RPH3A: variants seen among roughly 807,000 people sequenced by gnomAD.
The protein encoded by RPH3A is rabphilin-3A.
A neutral mutation model predicts 102.2 loss-of-function variants in RPH3A; 48 were observed. The observed-to-expected ratio is 0.47, with a 90% CI of 0.37 to 0.60. The LOEUF (loss-of-function observed/expected upper bound fraction) is 0.60, where lower values mean the gene tolerates loss of function less well. RPH3A is among the 20% of genes least tolerant of loss of function. RPH3A has a pLI of 0.00. For missense variants in RPH3A, 781 were observed against 910.1 expected (o/e 0.86, Z 1.83); for synonymous variants, 310 against 324.3 (o/e 0.96, Z 0.47).
chr12:112,878,436 T>C (rs143447340), intron 13 of RPH3A, among the ~76,000 whole-genome samples: 1 of 152,278 alleles, frequency 6.6e-6, no homozygotes, highest in Non-Finnish European at 1.5e-5. Context: ...TTATTGAGCA[T>C]GTACAAAGTG....
chr12:112,639,671 C>T (rs547631280), intron 1 of RPH3A, among the ~76,000 whole-genome samples: 2 of 152,260 alleles, frequency 1.3e-5, no homozygotes, highest in East Asian at 1.9e-4. Context: ...CCCCTCCCCC[C>T]ACAAAGATGC....
At chr12:112,663,444 A>T (rs948046602) in intron 1 of RPH3A, among the ~76,000 whole-genome samples, 2 of 151,838 alleles carry the variant, frequency 1.3e-5, no homozygotes, top group Non-Finnish European at 2.9e-5. Context: ...GAACTCCTGG[A>T]CTCAAGCAAT....
At chr12:112,766,340 A>C (rs2136069721) in intron 1 of RPH3A, among the ~76,000 whole-genome samples, 1 of 152,348 alleles carries the variant, frequency 6.6e-6, no homozygotes, top group South Asian at 2.1e-4. Context: ...TGAAGTGCTT[A>C]TAACTGCCTG....
At chr12:112,786,410 T>C (rs990825341) in intron 1 of RPH3A, among the ~76,000 whole-genome samples, 2 of 152,170 alleles carry the variant, frequency 1.3e-5, no homozygotes, top group African/African-American at 4.8e-5. Flanking sequence ...CACGCCAATC[T>C]CTCTGTTTCG....
intron 1 of RPH3A, among the ~76,000 whole-genome samples, chr12:112,638,720 C>T (rs2039865192): frequency 6.6e-6 from 1 of 152,172 alleles, no homozygotes; most frequent in Admixed American, 6.5e-5. Flanking sequence ...TATACCATCT[C>T]TCACAGGACC....
chr12:112,680,313 A>G (rs2136015873), intron 1 of RPH3A, among the ~76,000 whole-genome samples: 1 of 152,304 alleles, frequency 6.6e-6, no homozygotes, highest in East Asian at 1.9e-4. Flanking sequence ...TCCTCCTACG[A>G]CATTTAGGTG....
chr12:112,590,548 G>A (rs1208079293), intron 1 of RPH3A, among the ~76,000 whole-genome samples: 1 of 152,198 alleles, frequency 6.6e-6, no homozygotes, highest in Non-Finnish European at 1.5e-5. Flanking sequence ...TCATGGAAAT[G>A]GCTCATGGGG....
chr12:112,792,788 G>C (rs965901236), intron 2 of RPH3A, among the ~76,000 whole-genome samples: 18 of 152,174 alleles, frequency 1.2e-4, no homozygotes, highest in African/African-American at 4.1e-4. Flanking sequence ...ATTTAATTGT[G>C]GTGATTTTTG....
At chr12:112,682,620 AT>A (rs2040235316) in intron 1 of RPH3A, among the ~76,000 whole-genome samples, 1 of 152,032 alleles carries the variant, frequency 6.6e-6, no homozygotes, top group Non-Finnish European at 1.5e-5. Flanking sequence ...CCCCTCTCTT[AT>A]GGCTCTGCCA....
chr12:112,709,417 A>G (rs1400216819), intron 1 of RPH3A, among the ~76,000 whole-genome samples: 2 of 151,848 alleles, frequency 1.3e-5, no homozygotes, highest in African/African-American at 4.8e-5. Context: ...AGGGTTAGTG[A>G]TGTGTGTCTG....
chr12:112,872,116 A>G (rs2042719652), intron 10 of RPH3A, among the ~76,000 whole-genome samples: 1 of 152,196 alleles, frequency 6.6e-6, no homozygotes, highest in South Asian at 2.1e-4. Context: ...AGGAACCACC[A>G]TTCCGTTTTC....
upstream of RPH3A, among the ~76,000 whole-genome samples, chr12:112,787,319 GCTAT>G (rs1281010589): frequency 6.6e-6 from 1 of 152,160 alleles, no homozygotes; most frequent in Non-Finnish European, 1.5e-5. Flanking sequence ...AGTGAAATGG[GCTAT>G]CTCAGTGCCC....
chr12:112,851,052 A>G (rs1163503002), intron 5 of RPH3A: 1 of 152,196 alleles, frequency 6.6e-6, no homozygotes, highest in Non-Finnish European at 1.5e-5. Flanking sequence ...CTTTTCTGTT[A>G]TCTGAGTGAA....
chr12:112,753,072 T>C (rs1465421036), intron 1 of RPH3A, among the ~76,000 whole-genome samples: 1 of 151,860 alleles, frequency 6.6e-6, no homozygotes, highest in African/African-American at 2.4e-5. Context: ...GGATTGTTAT[T>C]GATGTCTAAG....
At chr12:112,635,999 C>A (rs192433250) in intron 1 of RPH3A, among the ~76,000 whole-genome samples, 98 of 151,134 alleles carry the variant, frequency 6.5e-4, no homozygotes, top group Non-Finnish European at 1.2e-3. Flanking sequence ...AATATGGATT[C>A]ACAAACATTT....
At chr12:112,830,389 G>C (rs554990276) in intron 3 of RPH3A, among the ~76,000 whole-genome samples, 2 of 152,002 alleles carry the variant, frequency 1.3e-5, no homozygotes, top group Non-Finnish European at 2.9e-5. Flanking sequence ...ATTTTGGTTG[G>C]AGAATATGAC....
chr12:112,800,039 G>A (rs1363887162), intron 2 of RPH3A, among the ~76,000 whole-genome samples: 1 of 152,132 alleles, frequency 6.6e-6, no homozygotes, highest in Non-Finnish European at 1.5e-5. Flanking sequence ...TGAGGGAGCC[G>A]GAGTTCCCTG....
In RPH3A at chr12:112,648,570, C is replaced by CA. The variant is rs1167121829; in HGVS notation, c.-140+73279dup. Among the ~76,000 whole-genome samples the CA allele has an allele frequency of 5.4e-4, 6 of 11,044 alleles. 1 individual carries two copies. The highest frequency in any genetic ancestry group is 9.1e-4 in the Non-Finnish European group (6 of 6,592). 7.2% of individuals were successfully genotyped at this position (11,044 alleles called of 152,430 possible). ...GCAACAGAGTGAAACCCCATCTCTACAAAAAAAAAAAAAAAAAAAAAAAAA... is the reference window on the plus strand; with the variant it reads ...GCAACAGAGTGAAACCCCATCTCTACAAAAAAAAAAAAAAAAAAAAAAAAAA... On this transcript the variant is annotated intron_variant, in intron 1 of 21. Transcript: ENST00000543106.
At chr12:112,578,237 C>T (rs1026866649) in intron 1 of RPH3A, among the ~76,000 whole-genome samples, 5 of 152,126 alleles carry the variant, frequency 3.3e-5, no homozygotes, top group African/African-American at 9.7e-5. Flanking sequence ...CAGGGTTTCT[C>T]GCAGCATGAC....
Sources: gnomAD v4.1 joint callset for allele counts (sites outside exome capture counted in the v4.1 genomes callset) on GRCh38, gnomAD v4.1.1 for gene constraint, MANE v1.5 for transcripts, NCBI Gene and HGNC (gene_info 2026-07-23, HGNC 2026-07-21) for gene names.